Variants in QRICH2 observed in about 807,000 individuals in gnomAD.
QRICH2 encodes the protein glutamine-rich protein 2.
QRICH2 carries 119 observed loss-of-function variants against 168.3 expected under a neutral mutation model. That is an observed-to-expected ratio of 0.71 (90% confidence interval 0.61 to 0.82). QRICH2 has a LOEUF of 0.82. Ranked by LOEUF, QRICH2 falls within the 40% of genes least tolerant of loss-of-function variation. The probability of loss-of-function intolerance (pLI) is 0.00; values close to 1 mark genes in which losing one functional copy is unlikely to be tolerated. For missense variants in QRICH2, 2,241 were observed against 2,491.6 expected, an observed-to-expected ratio of 0.90 and a Z score of 2.14; for synonymous variants, 894 against 951.2, an observed-to-expected ratio of 0.94 and a Z score of 1.11.
In QRICH2 at chr17:76,280,580, C is replaced by T. The variant is rs2143166835; in HGVS notation, c.4461+74G>A. On this transcript the variant is annotated intron_variant, in intron 10 of 18. Transcript: ENST00000680821. The surrounding 1 kb of genome is among the most constrained non-coding windows in gnomAD (Gnocchi z 7.4). ...CCACACTCGTCTCGCCAGCTCCCCT[C>T]CACTCAGTCTCTCAAAGAACAGTCA... is the stretch of plus-strand genomic sequence containing the variant. 5.0e-6 allele frequency: 8 copies of T among 1,600,530 alleles called. No individual in the cohort carries two copies. The Admixed American group carries it at 1.3e-4, about 27-fold the overall frequency.
At chr17:76,283,172 G>A (rs1018007317) in intron 7 of QRICH2, among the ~76,000 whole-genome samples, 5 of 152,230 alleles carry the variant, frequency 3.3e-5, no homozygotes, top group South Asian at 2.1e-4. Context: ...AGGTACCTCC[G>A]AGGGCCCCGG....
In QRICH2 at chr17:76,291,078, G is replaced by C; in HGVS notation, c.3649C>G (p.Leu1217Val). The C allele has an allele frequency of 6.2e-7, 1 of 1,614,192 alleles. No homozygotes were observed. The highest frequency in any genetic ancestry group is 8.5e-7 in the Non-Finnish European group (1 of 1,180,032). The change falls in exon 4 of 19, where the codon CTG (leucine) becomes GTG (valine). Residue 1217 changes from leucine (L) to valine (V), a missense_variant. Around this residue, in one of 3 missense-constraint regions of QRICH2, gnomAD observed 2,047 missense variants for 2,303.8 expected, o/e 0.89. Coordinates refer to ENST00000680821, the MANE Select transcript of QRICH2 (RefSeq NM_001388453.1). ...GTTTGGCCGGCCTGCTCCTCATCCA[G>C]ATCCTTCATACTCTCCTTTAGCCCC... ...YVGLKESMKDLDEEQAGQTDL... is the reference protein window; with the variant it reads ...YVGLKESMKDVDEEQAGQTDL...
intron 3 of QRICH2, among the ~76,000 whole-genome samples, chr17:76,298,328 A>G (rs755544792): frequency 2.4e-4 from 36 of 148,494 alleles, no homozygotes; most frequent in Non-Finnish European, 5.1e-4. Context: ...ACAGGCGCCC[A>G]CCACCACGCC....
rs199991089 is a variant in QRICH2 at position 76,291,066 on chromosome 17, G to T, written c.3661C>A (p.Gln1221Lys). The change falls in exon 4 of 19, where the codon CAG (glutamine) becomes AAG (lysine). Residue 1221 changes from glutamine to lysine, a missense_variant. Coordinates refer to ENST00000680821, the MANE Select transcript of QRICH2 (RefSeq NM_001388453.1). ...KESMKDLDEEQAGQTDLEKIQ... is the reference protein window; with the variant it reads ...KESMKDLDEEKAGQTDLEKIQ... ...TTCTCCAAGTCGGTTTGGCCGGCCT[G>T]CTCCTCATCCAGATCCTTCATACTC... is the stretch of plus-strand genomic sequence containing the variant. The T allele has an allele frequency of 2.5e-6, 4 of 1,613,982 alleles. No individual in the cohort carries two copies. The highest frequency in any genetic ancestry group is 4.5e-5 in the East Asian group (2 of 44,890).
At chr17:76,283,643 G>GC (rs1196840182) in intron 7 of QRICH2, among the ~76,000 whole-genome samples, 1 of 145,404 alleles carries the variant, frequency 6.9e-6, no homozygotes, top group African/African-American at 2.9e-5. Context: ...GGAGGCCAAG[G>GC]TGGGTGGATC....
chr17:76,288,079 G>C (rs556621404), intron 5 of QRICH2, among the ~76,000 whole-genome samples, 182 bp from the exon 6 acceptor site: 2 of 152,144 alleles, frequency 1.3e-5, no homozygotes, highest in Non-Finnish European at 2.9e-5. Flanking sequence ...GATGTAGAAA[G>C]CTGGCATTAA....
At chr17:76,274,312 G>A in intron 18 of QRICH2, 52 bp from the exon 19 acceptor site, 1 of 1,544,908 alleles carries the variant, frequency 6.5e-7, no homozygotes, top group Non-Finnish European at 8.7e-7. Flanking sequence ...AGCCCACCAG[G>A]GGTCACCCCA....
chr17:76,304,369 TG>T, intron 3 of QRICH2, 45 bp downstream of exon 3: 3 of 1,281,770 alleles, frequency 2.3e-6, no homozygotes, highest in Non-Finnish European at 3.4e-6. Context: ...CGAGAAGTTC[TG>T]GGGAGCCCCA....
At position 76,292,817 on chromosome 17, in the gene QRICH2, T is replaced by C; in HGVS notation, c.1910A>G (p.Gln637Arg). The change falls in exon 4 of 19, where the codon CAG becomes CGG. Residue 637 changes from glutamine to arginine, a missense_variant. Transcript: ENST00000680821. ...QSGLAQPGRD[Q>R]HGLIQPGTGQ... ...TGTGCCAGGCTGGATCAAACCATGC[T>C]GATCTCTACCAGGTTGGGCCAAACC... 1 of 1,613,772 alleles carries C rather than the reference T, an allele frequency of 6.2e-7. No individual in the cohort carries two copies. Among genetic ancestry groups the C allele is most frequent in the Non-Finnish European group, 8.5e-7 (1 of 1,179,968 alleles).
chr17:76,287,914 T>C lies in QRICH2; in HGVS notation c.3799-17A>G. 6.2e-7 allele frequency: 1 copy of C among 1,605,238 alleles called. No homozygotes were observed. Among genetic ancestry groups the C allele is most frequent in the Non-Finnish European group, 8.5e-7 (1 of 1,171,968 alleles). On this transcript the variant is annotated splice_polypyrimidine_tract_variant and intron_variant, in intron 5 of 18. Coordinates refer to ENST00000680821, the MANE Select transcript of QRICH2 (RefSeq NM_001388453.1). ...CCTTTCCACCTACAAACCCAGTGAATGAGGAGGGTCAGGCAGGCCTGAGCT... is the reference window on the plus strand; with the variant it reads ...CCTTTCCACCTACAAACCCAGTGAACGAGGAGGGTCAGGCAGGCCTGAGCT...
chr17:76,307,511 G>C lies in QRICH2; in HGVS notation c.488C>G (p.Thr163Ser). 1 of 1,613,642 alleles carries C rather than the reference G, an allele frequency of 6.2e-7. No individual in the cohort carries two copies. Among genetic ancestry groups the C allele is most frequent in the Non-Finnish European group, 8.5e-7 (1 of 1,179,770 alleles). Reference sequence around the variant, plus strand: ...GGCGGCGTCCTTCATGATACTCCCAGTCCGCACCCTATCGAACGCCCGCAC... The same window carrying C: ...GGCGGCGTCCTTCATGATACTCCCACTCCGCACCCTATCGAACGCCCGCAC... ...VGVRAFDRVR[T>S]GSIMKDAAEE... Residue 163 changes from threonine (T) to serine (S), a missense_variant, in exon 1 of 19, where the codon ACT becomes AGT. By Grantham distance (58) the Thr-to-Ser change is moderately conservative. Coordinates refer to ENST00000680821, the MANE Select transcript of QRICH2 (RefSeq NM_001388453.1). This position sits in a 1 kb window ranked among gnomAD's most constrained non-coding sequence, Gnocchi z 5.3.
chr17:76,296,447 T>C (rs1012189776), intron 3 of QRICH2, among the ~76,000 whole-genome samples: 1 of 151,988 alleles, frequency 6.6e-6, no homozygotes, highest in Non-Finnish European at 1.5e-5. Flanking sequence ...GAAGTGAGCA[T>C]TCAGGGAGAT....
Position 76,293,392 on chromosome 17 carries a change from T to G in QRICH2, c.1335A>C (p.Pro445=). 1 of 1,614,190 alleles carries G rather than the reference T, an allele frequency of 6.2e-7. No homozygotes were observed. The highest frequency in any genetic ancestry group is 8.5e-7 in the Non-Finnish European group (1 of 1,180,032). Reference sequence around the variant, plus strand: ...CTTGCTGGTCTCTGCCAGGTACTGATGGTGGCAACATACGTTGCTCATCCA... The same window carrying G: ...CTTGCTGGTCTCTGCCAGGTACTGAGGGTGGCAACATACGTTGCTCATCCA... ...FVVDEQRMLP[P]SVPGRDQQGL... The change falls in exon 4 of 19, where the codon CCA becomes CCC. Residue 445 remains proline (P), a synonymous_variant. Transcript: ENST00000680821.
upstream of QRICH2, chr17:76,309,635 G>A (rs1022003848): frequency 1.3e-5 from 2 of 152,162 alleles, no homozygotes; most frequent in East Asian, 1.9e-4. Flanking sequence ...GACTGAACAC[G>A]TACAGATTCC....
At chr17:76,290,980 C>T in intron 4 of QRICH2, 35 bp downstream of exon 4, 1 of 1,592,420 alleles carries the variant, frequency 6.3e-7, no homozygotes. Flanking sequence ...AAAACAGAGA[C>T]AATGGTTTCT....
rs532226163 is a variant in QRICH2 at position 76,297,569 on chromosome 17, A to C, written c.706-3548T>G. ...TGCAGGAAAAGTCACAATGGCTGGC[A>C]CCTGATCAAAGATTGCCAGGCATAC... On this transcript the variant is annotated intron_variant, in intron 3 of 18. Transcript: ENST00000680821. Among the ~76,000 whole-genome samples the C allele has an allele frequency of 2.6e-5, 4 of 152,278 alleles. No individual in the cohort carries two copies. In the South Asian group the frequency reaches 6.2e-4, roughly 24 times the overall value.
At position 76,280,978 on chromosome 17, in the gene QRICH2, T is replaced by C; in HGVS notation, c.4264-25A>G. 6.2e-7 allele frequency: 1 copy of C among 1,602,348 alleles called. No homozygotes were observed. ...CCTGCGGCAGGAGGGATGGGAAGGC[T>C]CTCGGAGGCTGCTGGCGCGATCCCA... On this transcript the variant is annotated intron_variant, in intron 8 of 18. Coordinates refer to ENST00000680821, the MANE Select transcript of QRICH2 (RefSeq NM_001388453.1). The surrounding 1 kb of genome is among the most constrained non-coding windows in gnomAD (Gnocchi z 7.4).
intron 14 of QRICH2, 82 bp downstream of exon 14, chr17:76,278,959 G>A (rs1032922476): frequency 1.3e-5 from 15 of 1,160,086 alleles, no homozygotes; most frequent in South Asian, 2.6e-5. Context: ...TGGGCCCTCC[G>A]GAGTCATCCC....
intron 7 of QRICH2, among the ~76,000 whole-genome samples, chr17:76,285,960 CAGG>C (rs1327930037): frequency 1.3e-5 from 2 of 152,094 alleles, no homozygotes; most frequent in Admixed American, 6.6e-5. Context: ...ATCACAAGGT[CAGG>C]AGATTGAGAC....
Sources: allele counts gnomAD v4.1 joint callset (sites outside exome capture counted in the v4.1 genomes callset), GRCh38; gene constraint gnomAD v4.1.1; regional missense constraint gnomAD v4.1.1; non-coding constraint Gnocchi (gnomAD v3.1); transcripts MANE v1.5; gene names NCBI Gene and HGNC (gene_info 2026-07-23, HGNC 2026-07-21).